Variants in SHISA9 observed in about 807,000 individuals in gnomAD.
SHISA9 encodes the protein shisa family member 9.
Under a neutral mutation model 38.0 loss-of-function variants are expected in SHISA9, and 13 were observed. The observed-to-expected ratio is 0.34, with a 90% CI of 0.22 to 0.54. The LOEUF is 0.54. Among genes scored for constraint, SHISA9 ranks in the 20% least tolerant of loss-of-function variants. The probability of loss-of-function intolerance (pLI) is 0.91; values close to 1 mark genes in which losing one functional copy is unlikely to be tolerated. For missense variants in SHISA9, 538 were observed against 575.8 expected (o/e 0.93, Z 0.67); for synonymous variants, 275 against 242.0 (o/e 1.14, Z -1.27).
chr16:13,177,375 A>G (rs1211850928), intron 2 of SHISA9, among the ~76,000 whole-genome samples: 1 of 151,934 alleles, frequency 6.6e-6, no homozygotes. Flanking sequence ...TGTTGTGCAG[A>G]CTCCCCACAG....
chr16:12,931,076 G>T (rs552328282), intron 2 of SHISA9, among the ~76,000 whole-genome samples: 2 of 152,258 alleles, frequency 1.3e-5, no homozygotes, highest in Admixed American at 6.5e-5. Flanking sequence ...AACAAAAGAT[G>T]CAGTCTCTGG....
At chr16:13,332,872 C>A in the SHISA9 span, among the ~76,000 whole-genome samples, 1 of 152,212 alleles carries the variant, frequency 6.6e-6, no homozygotes, top group Non-Finnish European at 1.5e-5. Flanking sequence ...GGCAGAGGTG[C>A]TACATGGCCC....
intron 2 of SHISA9, among the ~76,000 whole-genome samples, chr16:13,029,126 T>A (rs2072960767): frequency 6.6e-6 from 1 of 152,186 alleles, no homozygotes; most frequent in African/African-American, 2.4e-5. Flanking sequence ...GCTTCAACAA[T>A]CCCATTACTG....
At chr16:12,922,308 C>T (rs2071337955) in intron 2 of SHISA9, among the ~76,000 whole-genome samples, 1 of 152,202 alleles carries the variant, frequency 6.6e-6, no homozygotes, top group Admixed American at 6.5e-5. Context: ...TATATTAGCT[C>T]ATTTAGTTCT....
At chr16:13,538,632 G>T in the SHISA9 span, among the ~76,000 whole-genome samples, 1 of 152,096 alleles carries the variant, frequency 6.6e-6, no homozygotes, top group Non-Finnish European at 1.5e-5. Context: ...ATTCTAATGA[G>T]GAAAAGCAGA....
At chr16:13,085,233 T>G (rs1410144225) in intron 2 of SHISA9, among the ~76,000 whole-genome samples, 2 of 152,142 alleles carry the variant, frequency 1.3e-5, no homozygotes, top group African/African-American at 4.8e-5. Flanking sequence ...TTTCTCTATA[T>G]CTATGTCTAT....
chr16:13,512,935 G>C, the SHISA9 span, among the ~76,000 whole-genome samples: 1 of 152,270 alleles, frequency 6.6e-6, no homozygotes, highest in East Asian at 1.9e-4. Context: ...ATACCATTCA[G>C]GACATAGGCA....
At chr16:13,148,526 C>G (rs1002317450) in intron 2 of SHISA9, among the ~76,000 whole-genome samples, 3 of 152,144 alleles carry the variant, frequency 2.0e-5, no homozygotes, top group African/African-American at 7.2e-5. Flanking sequence ...TCGACACCAT[C>G]TCACCAAAGC....
intron 2 of SHISA9, among the ~76,000 whole-genome samples, chr16:13,117,760 G>C (rs1023294215): frequency 3.3e-5 from 5 of 152,170 alleles, no homozygotes; most frequent in African/African-American, 9.7e-5. Context: ...AAAAAGTTCT[G>C]CTGTTTTAAG....
Position 13,144,899 on chromosome 16 carries a change from C to T in SHISA9, c.692-58495C>T, listed in dbSNP as rs147742108. Among the ~76,000 whole-genome samples, 42 of 152,204 alleles carry T rather than the reference C, an allele frequency of 2.8e-4. No individual in the cohort carries two copies. The East Asian group carries it at 8.1e-3, about 29-fold the overall frequency. ...AAGAAAGAAGGGGGAAAAATCTAGG[C>T]AAGAGAGAAGGAGGGAGGTTAGGCA... On this transcript the variant is annotated intron_variant, in intron 2 of 4. Transcript: ENST00000558583.
At chr16:13,461,573 C>A in the SHISA9 span, among the ~76,000 whole-genome samples, 54 of 140,394 alleles carry the variant, frequency 3.8e-4, no homozygotes, top group South Asian at 2.7e-3. Flanking sequence ...GAGCAAAACT[C>A]CCTCTCAAAA....
chr16:13,157,559 AC>A (rs1567230689), intron 2 of SHISA9, among the ~76,000 whole-genome samples: 1 of 152,020 alleles, frequency 6.6e-6, no homozygotes, highest in African/African-American at 2.4e-5. Context: ...CATGGAAAGT[AC>A]TTAAAACAGG....
the SHISA9 span, among the ~76,000 whole-genome samples, chr16:13,496,050 G>A: frequency 6.6e-6 from 1 of 152,060 alleles, no homozygotes; most frequent in Admixed American, 6.5e-5. Flanking sequence ...CCAGATTTAT[G>A]GATGACCTGA....
At chr16:13,234,211 T>C (rs563674523) in intron 4 of SHISA9, among the ~76,000 whole-genome samples, 1 of 152,124 alleles carries the variant, frequency 6.6e-6, no homozygotes, top group Admixed American at 6.5e-5. Context: ...TAGGTACACA[T>C]GAAAATCCTG....
intron 2 of SHISA9, among the ~76,000 whole-genome samples, chr16:13,021,141 G>A (rs191061137): frequency 3.0e-4 from 46 of 152,284 alleles, no homozygotes; most frequent in African/African-American, 9.9e-4. Flanking sequence ...GACCTCTCTC[G>A]AAGCGATGGC....
chr16:13,044,714 C>T (rs954169315), intron 2 of SHISA9, among the ~76,000 whole-genome samples: 58 of 152,252 alleles, frequency 3.8e-4, no homozygotes, highest in Non-Finnish European at 6.6e-4. Flanking sequence ...CATCTGGCTG[C>T]GTTGCTCAGG....
the SHISA9 span, among the ~76,000 whole-genome samples, chr16:13,364,592 A>G: frequency 0.077 from 11,785 of 152,286 alleles, 656 homozygotes; most frequent in East Asian, 0.2. Flanking sequence ...TGAACACCAG[A>G]GAATATTTTT....
At chr16:13,281,605 CTT>C in the SHISA9 span, among the ~76,000 whole-genome samples, 1 of 141,102 alleles carries the variant, frequency 7.1e-6, no homozygotes, top group African/African-American at 2.6e-5. Flanking sequence ...ATTTAAATGT[CTT>C]TTAGCAATTT....
the SHISA9 span, among the ~76,000 whole-genome samples, chr16:13,374,174 T>A: frequency 6.6e-6 from 1 of 152,176 alleles, no homozygotes; most frequent in Admixed American, 6.5e-5. Context: ...TTTTCTTTTT[T>A]TTTTTAGTAT....
Sources: allele counts gnomAD v4.1 joint callset (sites outside exome capture counted in the v4.1 genomes callset), GRCh38; gene constraint gnomAD v4.1.1; transcripts MANE v1.5; gene names NCBI Gene and HGNC (gene_info 2026-07-23, HGNC 2026-07-21).